CALN1: variants seen among roughly 807,000 people sequenced by gnomAD.
CALN1 encodes the protein calneuron 1.
CALN1 carries 17 observed loss-of-function variants against 30.6 expected under a neutral mutation model. That is an observed-to-expected ratio of 0.56 (90% CI 0.38 to 0.83). CALN1 has a LOEUF of 0.83. Among genes scored for constraint, CALN1 ranks in the 40% least tolerant of loss-of-function variants. CALN1 has a pLI of 0.00. For missense variants in CALN1, 291 were observed against 354.9 expected, an observed-to-expected ratio of 0.82 and a Z score of 1.45; for synonymous variants, 156 against 131.4, an observed-to-expected ratio of 1.19 and a Z score of -1.28.
chr7:72,274,677 A>G (rs1797225357), intron 3 of CALN1, among the ~76,000 whole-genome samples: 1 of 152,200 alleles, frequency 6.6e-6, no homozygotes, highest in African/African-American at 2.4e-5. Context: ...GATAGACGTA[A>G]GCTCCTTGGA....
intron 5 of CALN1, among the ~76,000 whole-genome samples, chr7:71,812,050 T>C (rs1787990655): frequency 6.6e-6 from 1 of 151,836 alleles, no homozygotes; most frequent in Non-Finnish European, 1.5e-5. Flanking sequence ...CACAGCTTTA[T>C]GAATCATTGT....
At chr7:72,223,536 G>C (rs962566412) in intron 3 of CALN1, among the ~76,000 whole-genome samples, 1 of 152,120 alleles carries the variant, frequency 6.6e-6, no homozygotes, top group African/African-American at 2.4e-5. Flanking sequence ...AAAAGAGCAG[G>C]ACATTCCCTG....
chr7:72,209,657 A>G (rs1202123892), intron 3 of CALN1, among the ~76,000 whole-genome samples: 2 of 151,618 alleles, frequency 1.3e-5, no homozygotes, highest in African/African-American at 2.4e-5. Context: ...ATCACCTCAG[A>G]AAAAAAGAAA....
intron 4 of CALN1, among the ~76,000 whole-genome samples, chr7:72,059,235 C>G (rs990625284): frequency 6.6e-6 from 1 of 152,120 alleles, no homozygotes; most frequent in African/African-American, 2.4e-5. Flanking sequence ...TCTAGACCTC[C>G]TAAAAGTAGG....
chr7:72,322,394 T>C (rs1318612894), intron 2 of CALN1, among the ~76,000 whole-genome samples: 3 of 152,306 alleles, frequency 2.0e-5, no homozygotes, highest in Middle Eastern at 6.8e-3. Flanking sequence ...CTCACCTCCT[T>C]CTGGGTAGCC....
intron 2 of CALN1, among the ~76,000 whole-genome samples, chr7:72,324,387 T>C (rs1801114711): frequency 1.3e-5 from 2 of 151,972 alleles, no homozygotes; most frequent in Non-Finnish European, 2.9e-5. Flanking sequence ...GGTCATCCCA[T>C]CTCTGGAGTT....
At chr7:72,300,673 A>G (rs1799194774) in intron 2 of CALN1, among the ~76,000 whole-genome samples, 1 of 152,236 alleles carries the variant, frequency 6.6e-6, no homozygotes, top group Non-Finnish European at 1.5e-5. Context: ...AGATGTATGT[A>G]TTTAAGTATA....
chr7:72,141,766 A>C (rs1809958992), intron 3 of CALN1, among the ~76,000 whole-genome samples: 1 of 151,940 alleles, frequency 6.6e-6, no homozygotes, highest in Non-Finnish European at 1.5e-5. Flanking sequence ...ACAGGGTTTC[A>C]CCATGTTGGT....
intron 4 of CALN1, among the ~76,000 whole-genome samples, chr7:72,035,845 A>C (rs1463294116): frequency 1.3e-5 from 2 of 152,212 alleles, no homozygotes; most frequent in South Asian, 4.1e-4. Context: ...TAATGTCTTA[A>C]ATTATGTAGA....
intron 3 of CALN1, among the ~76,000 whole-genome samples, chr7:72,227,244 A>G (rs1050725310): frequency 1.8e-4 from 28 of 151,894 alleles, no homozygotes; most frequent in African/African-American, 2.7e-4. Context: ...CTTAAAAAAA[A>G]AAAAAAAGAG....
chr7:72,246,635 G>A (rs1373123387), intron 3 of CALN1, among the ~76,000 whole-genome samples: 1 of 152,000 alleles, frequency 6.6e-6, no homozygotes, highest in Non-Finnish European at 1.5e-5. Flanking sequence ...AAGTGGACAG[G>A]AGAAAAAAAG....
At chr7:72,154,503 C>A (rs1029567037) in intron 3 of CALN1, among the ~76,000 whole-genome samples, 1 of 152,028 alleles carries the variant, frequency 6.6e-6, no homozygotes, top group African/African-American at 2.4e-5. Flanking sequence ...TTGAGGATAC[C>A]AATGTGTCAG....
chr7:72,325,104 A>C (rs919627997), intron 2 of CALN1, among the ~76,000 whole-genome samples: 1 of 151,900 alleles, frequency 6.6e-6, no homozygotes, highest in Non-Finnish European at 1.5e-5. Flanking sequence ...GTTCAAGACC[A>C]GCCTGGGCAA....
At chr7:71,893,358 C>T (rs1267661090) in intron 5 of CALN1, among the ~76,000 whole-genome samples, 1 of 152,000 alleles carries the variant, frequency 6.6e-6, no homozygotes, top group Non-Finnish European at 1.5e-5. Flanking sequence ...GTGGAGAAAC[C>T]CTATTTTAAA....
At position 72,106,216 on chromosome 7, in the gene CALN1, C is replaced by T. The variant is rs762029880; in HGVS notation, c.323G>A (p.Arg108His). The change falls in exon 4 of 7, where the codon CGC becomes CAC. Residue 108 changes from arginine to histidine, a missense_variant. Around this residue, in one of 2 missense-constraint regions of CALN1, gnomAD observed 169 missense variants for 251.7 expected, o/e 0.67. Transcript: ENST00000395275. The part of the protein sequence containing the change: ...ISKQELGMAM[R>H]SLGYMPSEVE... ...CTCGCTTGGCATGTACCCCAAAGAG[C>T]GCATGGCCATGCCCAGCTCCTGCTT... The T allele has an allele frequency of 2.5e-6, 4 of 1,614,092 alleles. No homozygotes were observed. Among genetic ancestry groups the T allele is most frequent in the South Asian group, 2.2e-5 (2 of 91,072 alleles).
At chr7:72,263,187 C>G (rs1796385101) in intron 3 of CALN1, among the ~76,000 whole-genome samples, 1 of 152,112 alleles carries the variant, frequency 6.6e-6, no homozygotes, top group Non-Finnish European at 1.5e-5. Context: ...TGTTCCCATA[C>G]TGTGTGTATT....
intron 3 of CALN1, among the ~76,000 whole-genome samples, chr7:72,207,140 C>CT (rs1352198652): frequency 6.6e-6 from 1 of 152,164 alleles, no homozygotes; most frequent in Non-Finnish European, 1.5e-5. Flanking sequence ...CATGACATGA[C>CT]TAGCAAGGGC....
At chr7:71,845,843 C>T (rs1240331769) in intron 5 of CALN1, among the ~76,000 whole-genome samples, 1 of 152,064 alleles carries the variant, frequency 6.6e-6, no homozygotes, top group Non-Finnish European at 1.5e-5. Context: ...CACTTGAGGT[C>T]AGGAGTTTGA....
chr7:72,051,415 T>C (rs1395112663), intron 4 of CALN1, among the ~76,000 whole-genome samples: 1 of 152,124 alleles, frequency 6.6e-6, no homozygotes, highest in Non-Finnish European at 1.5e-5. Flanking sequence ...TTTAAGAAAA[T>C]GCAGAAAATC....
Sources: gnomAD v4.1 joint callset for allele counts (sites outside exome capture counted in the v4.1 genomes callset) on GRCh38, gnomAD v4.1.1 for gene constraint, gnomAD v4.1.1 regional missense constraint, MANE v1.5 for transcripts, NCBI Gene and HGNC (gene_info 2026-07-23, HGNC 2026-07-21) for gene names.